CEP41: variants seen among roughly 807,000 people sequenced by gnomAD.
CEP41 encodes centrosomal protein of 41 kDa.
A neutral mutation model predicts 44.3 loss-of-function variants in CEP41; 32 were observed. The ratio of observed to expected loss-of-function variants is 0.72; its 90% CI spans 0.54 to 0.97. The LOEUF is 0.97. CEP41 is among the 50% of genes least tolerant of loss of function. The pLI is 0.00. For missense variants in CEP41, 432 were observed against 455.2 expected (o/e 0.95, Z 0.46); for synonymous variants, 151 against 168.5 (o/e 0.90, Z 0.80).
intron 1 of CEP41, among the ~76,000 whole-genome samples, chr7:130,430,401 C>T (rs117052523): frequency 0.013 from 1,877 of 147,818 alleles, 24 homozygotes; most frequent in Non-Finnish European, 0.021. Flanking sequence ...CTCTTAGCAT[C>T]GGTCCTCAGA....
chr7:130,422,998 G>A (rs1797554110), intron 2 of CEP41, among the ~76,000 whole-genome samples: 2 of 152,176 alleles, frequency 1.3e-5, no homozygotes, highest in South Asian at 2.1e-4. Flanking sequence ...CGAGGCTGGA[G>A]TGCAGTAGCG....
chr7:130,432,060 A>C (rs2117693478), intron 1 of CEP41, among the ~76,000 whole-genome samples: 1 of 152,302 alleles, frequency 6.6e-6, no homozygotes, highest in South Asian at 2.1e-4. Context: ...TAGCCAGCCC[A>C]AACGCCAATA....
chr7:130,395,939 C>G lies in CEP41; in HGVS notation c.*2952G>C, dbSNP rs1796644536. On this transcript the variant is annotated 3_prime_UTR_variant, in exon 11 of 11. Coordinates refer to ENST00000223208, the MANE Select transcript of CEP41 (RefSeq NM_018718.3). ...TGCAGGCCATTTAAATCATTCCATACTTTTTCAAGAGATTGAGCCTGACAT... is the reference window on the plus strand; with the variant it reads ...TGCAGGCCATTTAAATCATTCCATAGTTTTTCAAGAGATTGAGCCTGACAT... 4 of 451,674 alleles carry G rather than the reference C, an allele frequency of 8.9e-6. No homozygotes were observed. Among genetic ancestry groups the G allele is most frequent in the Non-Finnish European group, 1.8e-5 (4 of 226,438 alleles). The allele number at this position is 451,674 out of a possible 1,614,324, so 28.0% of individuals were successfully genotyped here.
rs782766558 is a variant in CEP41, at chr7:130,398,120, T to C, written c.*771A>G. 2.2e-6 allele frequency: 1 copy of C among 454,068 alleles called. No individual in the cohort carries two copies. Among genetic ancestry groups the C allele is most frequent in the Non-Finnish European group, 4.4e-6 (1 of 226,714 alleles). The allele number at this position is 454,068 out of a possible 1,614,324, so 28.1% of individuals were successfully genotyped here. The stretch of plus-strand genomic sequence containing the variant: ...TACTGACCACAAGTGAGGGCCGCTT[T>C]GGTGGGCTTCAAGGGGCACAGGCCG... On this transcript the variant is annotated 3_prime_UTR_variant, in exon 11 of 11. Transcript: ENST00000223208.
At chr7:130,422,067 G>A (rs528137027) in intron 2 of CEP41, 21 of 1,529,552 alleles carry the variant, frequency 1.4e-5, no homozygotes, top group Non-Finnish European at 1.8e-5. Context: ...AGCCATGGCT[G>A]CACTCAGTGT....
At chr7:130,406,469 A>G (rs1797011735) in intron 5 of CEP41, among the ~76,000 whole-genome samples, 1 of 152,140 alleles carries the variant, frequency 6.6e-6, no homozygotes, top group South Asian at 2.1e-4. Context: ...CTGTAATCCC[A>G]GCTACTCAGG....
rs1554413399 is a variant in CEP41, at chr7:130,393,917, C to T, written c.*4974G>A. The T allele has an allele frequency of 1.1e-5, 5 of 453,964 alleles. No individual in the cohort carries two copies. Among genetic ancestry groups the T allele is most frequent in the African/African-American group, 4.0e-5 (2 of 49,976 alleles). The allele number at this position is 453,964 out of a possible 1,614,324, so 28.1% of individuals were successfully genotyped here. On this transcript the variant is annotated 3_prime_UTR_variant, in exon 11 of 11. Coordinates refer to ENST00000223208, the MANE Select transcript of CEP41 (RefSeq NM_018718.3). ...TGTCCATTAACAGACAAAATAACCT[C>T]GGAAGCCCTGGAGCACCTGTCTTCA...
intron 4 of CEP41, 54 bp downstream of exon 4, chr7:130,412,125 A>G (rs1797199822): frequency 1.1e-6 from 1 of 948,454 alleles, no homozygotes; most frequent in Non-Finnish European, 1.7e-6. Context: ...AGAAATACAT[A>G]AAGTGGCACA....
intron 1 of CEP41, among the ~76,000 whole-genome samples, chr7:130,431,033 A>G (rs1797807463): frequency 6.6e-6 from 1 of 152,154 alleles, no homozygotes; most frequent in Non-Finnish European, 1.5e-5. Flanking sequence ...TGAGAAATCC[A>G]TATGCTGCAA....
chr7:130,418,333 C>CTCT lies in CEP41; in HGVS notation c.98-1368_98-1367insAGA, dbSNP rs199708392. Among the ~76,000 whole-genome samples the CTCT allele has an allele frequency of 7.8e-4, 118 of 152,250 alleles. 1 individual carries two copies. In the East Asian group the frequency reaches 0.022, roughly 29 times the overall value. ...TAGGTTCTTCAAACTGCAATTGACC[C>CTCT]GAGATGTGACCAGATCTTCAGAGCA... On this transcript the variant is annotated intron_variant, in intron 2 of 10. Coordinates refer to ENST00000223208, the MANE Select transcript of CEP41 (RefSeq NM_018718.3).
chr7:130,435,920 C>T (rs139409399), intron 1 of CEP41, among the ~76,000 whole-genome samples: 124 of 152,186 alleles, frequency 8.1e-4, no homozygotes, highest in African/African-American at 2.3e-3. Flanking sequence ...TTTGGGAGGC[C>T]GAGGCTGGTG....
chr7:130,421,112 A>ACTTT (rs1797495382), intron 2 of CEP41: 1 of 985,300 alleles, frequency 1.0e-6, no homozygotes, highest in South Asian at 4.7e-5. Flanking sequence ...AAGAGGAAGA[A>ACTTT]ACAACCCGAC....
At position 130,394,647 on chromosome 7, in the gene CEP41, G is replaced by C. The variant is rs544508687; in HGVS notation, c.*4244C>G. ...TCGCCCACAAAGGCAGGATACACAA[G>C]GGGGACAGAAGATAACGAGCTTTCT... On this transcript the variant is annotated 3_prime_UTR_variant, in exon 11 of 11. Coordinates refer to ENST00000223208, the MANE Select transcript of CEP41 (RefSeq NM_018718.3). 1.1e-3 allele frequency: 479 copies of C among 454,000 alleles called. 1 individual carries two copies. Among genetic ancestry groups the C allele is most frequent in the Admixed American group, 2.0e-3 (86 of 42,576 alleles). 28.1% of individuals were successfully genotyped at this position (454,000 alleles called of 1,614,324 possible). A position where few individuals can be genotyped will look rare whatever the true frequency, so the allele number is the denominator to read the frequency against.
At chr7:130,399,228 G>C in intron 10 of CEP41, 189 bp from the exon 11 acceptor site, 1 of 680,578 alleles carries the variant, frequency 1.5e-6, no homozygotes, top group Non-Finnish European at 2.5e-6. Context: ...AGGTGGGGAG[G>C]GGGACAGAAA....
chr7:130,428,428 C>CAAAAA (rs67847969), intron 1 of CEP41, among the ~76,000 whole-genome samples: 29 of 38,058 alleles, frequency 7.6e-4, no homozygotes, highest in Non-Finnish European at 1.0e-3. Flanking sequence ...GACTCTGACT[C>CAAAAA]AAAAAAAAAA....
chr7:130,429,411 G>A (rs1035114245), intron 1 of CEP41, among the ~76,000 whole-genome samples: 1 of 152,198 alleles, frequency 6.6e-6, no homozygotes, highest in African/African-American at 2.4e-5. Context: ...CATTAAATTA[G>A]AGTGGCGATT....
chr7:130,395,293 T>A lies in CEP41; in HGVS notation c.*3598A>T. On this transcript the variant is annotated 3_prime_UTR_variant, in exon 11 of 11. Transcript: ENST00000223208. ...TTAGTGAAAAATTAATGGACCTGCA[T>A]GTAAGTACTCAACATGCTCACATAA... is the stretch of plus-strand genomic sequence containing the variant. 2.2e-6 allele frequency: 1 copy of A among 454,016 alleles called. No individual in the cohort carries two copies. Among genetic ancestry groups the A allele is most frequent in the Non-Finnish European group, 4.4e-6 (1 of 226,696 alleles). 28.1% of individuals were successfully genotyped at this position (454,016 alleles called of 1,614,324 possible). A position where few individuals can be genotyped will look rare whatever the true frequency, so the allele number is the denominator to read the frequency against.
rs192000598 is a variant in CEP41 at position 130,397,434 on chromosome 7, T to C, written c.*1457A>G. 5 of 445,706 alleles carry C rather than the reference T, an allele frequency of 1.1e-5. No homozygotes were observed. The East Asian group carries it at 2.8e-4, about 25-fold the overall frequency. 27.6% of individuals were successfully genotyped at this position (445,706 alleles called of 1,614,324 possible). ...TGAATCTGAAAGTTATTTTTCCATA[T>C]GTCTCTATGAGATATTTATTACGTT... On this transcript the variant is annotated 3_prime_UTR_variant, in exon 11 of 11. Transcript: ENST00000223208.
chr7:130,441,117 A>T (rs1554427735), upstream of CEP41: 2 of 817,762 alleles, frequency 2.4e-6, no homozygotes, highest in Non-Finnish European at 2.0e-6. Flanking sequence ...GGCCCCGTTT[A>T]CTCTCTCATC....
Sources: allele counts gnomAD v4.1 joint callset (sites outside exome capture counted in the v4.1 genomes callset), GRCh38; gene constraint gnomAD v4.1.1; transcripts MANE v1.5; gene names NCBI Gene and HGNC (gene_info 2026-07-23, HGNC 2026-07-21).